Variants in CTXND1 observed in about 807,000 individuals in gnomAD.
The protein encoded by CTXND1 is cortexin domain containing 1.
chr15:80,209,961 A>G (rs1309349584), intron 1 of CTXND1, among the ~76,000 whole-genome samples: 1 of 152,262 alleles, frequency 6.6e-6, no homozygotes. Context: ...CCTTATTTGT[A>G]CTTTTAAAGC....
At chr15:80,236,307 G>C (rs1488045296) in intron 1 of CTXND1, among the ~76,000 whole-genome samples, 1 of 152,098 alleles carries the variant, frequency 6.6e-6, no homozygotes, top group African/African-American at 2.4e-5. Context: ...ATGTGACATT[G>C]GGATTTCAGC....
In CTXND1 at chr15:80,195,761, A is replaced by G. The variant is rs2041417177; in HGVS notation, c.*6009T>C. ...GCAATGGGAATCAAGTTTCCAACAT[A>G]TGAACTTTGGGGGACACATTCAAAC... On this transcript the variant is annotated 3_prime_UTR_variant, in exon 3 of 3. Transcript: ENST00000560778. 1 of 152,236 alleles carries G rather than the reference A, an allele frequency of 6.6e-6. No homozygotes were observed. Among genetic ancestry groups the G allele is most frequent in the African/African-American group, 2.4e-5 (1 of 41,446 alleles). 9.4% of individuals were successfully genotyped at this position (152,236 alleles called of 1,614,324 possible).
chr15:80,197,510 G>A lies in CTXND1; in HGVS notation c.*4260C>T, dbSNP rs1185491448. ...CCAAGACACTGAAAAGTCCCAAGGA[G>A]AACCCTCCTAAAGGGAGAGAGTCTT... is the stretch of plus-strand genomic sequence containing the variant. On this transcript the variant is annotated 3_prime_UTR_variant, in exon 3 of 3. Transcript: ENST00000560778. 1 of 152,250 alleles carries A rather than the reference G, an allele frequency of 6.6e-6. No individual in the cohort carries two copies. The highest frequency in any genetic ancestry group is 2.4e-5 in the African/African-American group (1 of 41,432). 9.4% of individuals were successfully genotyped at this position (152,250 alleles called of 1,614,324 possible).
intron 1 of CTXND1, among the ~76,000 whole-genome samples, chr15:80,215,217 G>A (rs546941540): frequency 5.3e-5 from 8 of 152,280 alleles, no homozygotes; most frequent in Admixed American, 2.6e-4. Context: ...AATGACCTAC[G>A]CTTGAAACTC....
At chr15:80,211,061 C>T (rs889596283) in intron 1 of CTXND1, among the ~76,000 whole-genome samples, 3 of 152,194 alleles carry the variant, frequency 2.0e-5, no homozygotes, top group Non-Finnish European at 4.4e-5. Context: ...GAACAAAATT[C>T]GGTCCATAGC....
Position 80,248,930 on chromosome 15 carries a change from CTCTT to C in CTXND1, c.-218+3073_-218+3076del, listed in dbSNP as rs541545756. 1.8e-4 allele frequency among the ~76,000 whole-genome samples: 27 copies of C among 148,486 alleles called. 1 individual carries two copies. The highest frequency in any genetic ancestry group is 2.4e-4 in the Non-Finnish European group (16 of 67,032). On this transcript the variant is annotated intron_variant, in intron 1 of 2. Coordinates refer to ENST00000560778, the MANE Select transcript of CTXND1 (RefSeq NM_001352888.2). ...GGGTTGCAGGAGTGGCAGCACAGTT[CTCTT>C]TCTTTCTTTTTTTGATTTTTTTTTT...
intron 1 of CTXND1, among the ~76,000 whole-genome samples, chr15:80,250,264 G>A (rs1199771978): frequency 2.0e-5 from 3 of 151,892 alleles, no homozygotes; most frequent in African/African-American, 7.3e-5. Context: ...GAAAGGAACT[G>A]GAAAGACACA....
At chr15:80,220,106 C>A (rs1893296392) in intron 1 of CTXND1, among the ~76,000 whole-genome samples, 1 of 108,758 alleles carries the variant, frequency 9.2e-6, no homozygotes, top group Non-Finnish European at 2.0e-5. Flanking sequence ...TCTCATCTAT[C>A]TATCTATCTA....
intron 1 of CTXND1, among the ~76,000 whole-genome samples, chr15:80,248,058 C>T (rs1179620501): frequency 6.6e-6 from 1 of 152,256 alleles, no homozygotes; most frequent in Non-Finnish European, 1.5e-5. Flanking sequence ...ACAGCCTACT[C>T]TCAATGGAGA....
Position 80,198,346 on chromosome 15 carries a change from C to T in CTXND1, c.*3424G>A, listed in dbSNP as rs2142118356. 1 of 152,358 alleles carries T rather than the reference C, an allele frequency of 6.6e-6. No homozygotes were observed. The highest frequency in any genetic ancestry group is 2.1e-4 in the South Asian group (1 of 4,818). The allele number at this position is 152,358 out of a possible 1,614,324, so 9.4% of individuals were successfully genotyped here. A position where few individuals can be genotyped will look rare whatever the true frequency, so the allele number is the denominator to read the frequency against. On this transcript the variant is annotated 3_prime_UTR_variant, in exon 3 of 3. Coordinates refer to ENST00000560778, the MANE Select transcript of CTXND1 (RefSeq NM_001352888.2). ...ATTCTCTGCTTTGGAGAGTTCCTCT[C>T]CAGCCTGTGTTCTCCTTAAGTCCTG...
At chr15:80,227,303 TACTA>T (rs1259228348) in intron 1 of CTXND1, among the ~76,000 whole-genome samples, 1 of 152,218 alleles carries the variant, frequency 6.6e-6, no homozygotes, top group African/African-American at 2.4e-5. Context: ...GAAGGTAACT[TACTA>T]ACTAATATCA....
intron 1 of CTXND1, among the ~76,000 whole-genome samples, chr15:80,251,805 G>T (rs867416115): frequency 1.3e-5 from 2 of 152,014 alleles, no homozygotes; most frequent in South Asian, 4.1e-4. Flanking sequence ...CGCCCCGGGC[G>T]CAGTGCCGCC....
intron 1 of CTXND1, among the ~76,000 whole-genome samples, chr15:80,237,336 G>GAAAAAAAAAAAAAAAAAAAA (rs201997173): frequency 9.8e-6 from 1 of 101,582 alleles, no homozygotes; most frequent in African/African-American, 3.8e-5. Context: ...CAGTGTCTCA[G>GAAAAAAAAAAAAAAAAAAAA]AAAAAAAAAA....
chr15:80,233,083 A>G (rs925844263), intron 1 of CTXND1, among the ~76,000 whole-genome samples: 7 of 151,328 alleles, frequency 4.6e-5, no homozygotes, highest in African/African-American at 1.7e-4. Context: ...CTGGGATTAT[A>G]GGCGCCCACC....
chr15:80,249,158 G>T (rs1235860265), intron 1 of CTXND1, among the ~76,000 whole-genome samples: 8 of 152,074 alleles, frequency 5.3e-5, no homozygotes, highest in Non-Finnish European at 1.0e-4. Flanking sequence ...TCACTCTGTT[G>T]CCTAGGCTGG....
chr15:80,244,191 G>GT (rs1427097165), intron 1 of CTXND1, among the ~76,000 whole-genome samples: 1 of 152,190 alleles, frequency 6.6e-6, no homozygotes, highest in Admixed American at 6.5e-5. Flanking sequence ...TCTGCTGAAC[G>GT]TAAGTAATCC....
chr15:80,222,846 CAT>C (rs557433646), intron 1 of CTXND1, among the ~76,000 whole-genome samples: 1 of 152,212 alleles, frequency 6.6e-6, no homozygotes, highest in Admixed American at 6.5e-5. Flanking sequence ...AATGGATTCA[CAT>C]ATGACAATGT....
At chr15:80,214,042 A>G (rs2142126472) in intron 1 of CTXND1, among the ~76,000 whole-genome samples, 2 of 152,310 alleles carry the variant, frequency 1.3e-5, no homozygotes, top group East Asian at 3.9e-4. Flanking sequence ...ATAGGTATAA[A>G]ACAATATAAA....
chr15:80,229,216 C>T (rs1053679620), intron 1 of CTXND1, among the ~76,000 whole-genome samples: 2 of 152,170 alleles, frequency 1.3e-5, no homozygotes, highest in Non-Finnish European at 1.5e-5. Context: ...CCCGCCCGGC[C>T]CCGCACCCTG....
Sources: allele counts gnomAD v4.1 joint callset (sites outside exome capture counted in the v4.1 genomes callset), GRCh38; gene constraint gnomAD v4.1.1; transcripts MANE v1.5; gene names NCBI Gene and HGNC (gene_info 2026-07-23, HGNC 2026-07-21).